Variants in CFAP47 observed in about 807,000 individuals in gnomAD.
The protein encoded by CFAP47 is cilia and flagella associated protein 47, also known as cilia- and flagella-associated protein 47.
Under a neutral mutation model 148.1 loss-of-function variants are expected in CFAP47, and 29 were observed. The ratio of observed to expected loss-of-function variants is 0.20; its 90% CI spans 0.15 to 0.27. CFAP47 has a LOEUF of 0.27. Ranked by LOEUF, CFAP47 falls within the 10% of genes least tolerant of loss-of-function variation. The pLI is 1.00. For synonymous variants in CFAP47, 664 were observed against 577.3 expected, an observed-to-expected ratio of 1.15 and a Z score of -2.15; for missense variants, 1,872 against 1,697.5, an observed-to-expected ratio of 1.10 and a Z score of -1.81.
intron 26 of CFAP47, among the ~76,000 whole-genome samples, chrX:36,061,038 G>A (rs1390888927): frequency 9.0e-6 from 1 of 111,568 alleles, no homozygotes; most frequent in African/African-American, 3.3e-5. Flanking sequence ...CCCAATATTG[G>A]AGGAGGGGCC....
At chrX:36,301,015 C>A in intron 52 of CFAP47, 57 bp from the exon 53 acceptor site, 1 of 699,432 alleles carries the variant, frequency 1.4e-6, no homozygotes, top group Non-Finnish European at 2.2e-6. Context: ...TACTTCTGCC[C>A]AATTTATTAC....
Position 36,172,082 on chromosome X carries a change from T to C in CFAP47, c.6027-7263T>C, listed in dbSNP as rs756230943. ...GCAATTGTGAATGGGAGTTCACTCATGATTTGGCTCTCTGTTTGTCTGTCG... is the reference window on the plus strand; with the variant it reads ...GCAATTGTGAATGGGAGTTCACTCACGATTTGGCTCTCTGTTTGTCTGTCG... On this transcript the variant is annotated intron_variant, in intron 39 of 63. Coordinates refer to ENST00000378653, the MANE Select transcript of CFAP47 (RefSeq NM_001304548.2). 9.2e-4 allele frequency among the ~76,000 whole-genome samples: 100 copies of C among 109,048 alleles called. 1 individual carries two copies. The highest frequency in any genetic ancestry group is 3.2e-3 in the African/African-American group (96 of 30,058). The allele number at this position is 109,048 out of a possible 115,157, so 94.7% of individuals were successfully genotyped here. A position where few individuals can be genotyped will look rare whatever the true frequency, so the allele number is the denominator to read the frequency against.
intron 1 of CFAP47, among the ~76,000 whole-genome samples, chrX:35,921,137 G>C (rs1177059714): frequency 9.0e-6 from 1 of 111,471 alleles, no homozygotes; most frequent in Non-Finnish European, 1.9e-5. Context: ...TCAAATAATA[G>C]AATATGTTCA....
At chrX:35,928,107 T>C (rs1264454534) in intron 2 of CFAP47, among the ~76,000 whole-genome samples, 1 of 109,533 alleles carries the variant, frequency 9.1e-6, no homozygotes, top group Non-Finnish European at 1.9e-5. Context: ...TAAGCTGCTT[T>C]AATATTCCTG....
At chrX:36,292,087 G>C (rs1941199107) in intron 51 of CFAP47, among the ~76,000 whole-genome samples, 1 of 110,984 alleles carries the variant, frequency 9.0e-6, no homozygotes, top group African/African-American at 3.3e-5. Context: ...CAACTCCCAG[G>C]TGCCTATTAA....
At chrX:35,945,644 C>T (rs1466503915) in intron 3 of CFAP47, among the ~76,000 whole-genome samples, 2 of 111,235 alleles carry the variant, frequency 1.8e-5, no homozygotes, top group Non-Finnish European at 3.8e-5. Context: ...CTGTTCACTT[C>T]ATAATTAAGC....
chrX:35,940,807 A>G (rs5973549), intron 2 of CFAP47, among the ~76,000 whole-genome samples: 31,737 of 110,521 alleles, frequency 0.29, 5,238 homozygotes, highest in African/African-American at 0.63. Context: ...GTAACCTTAT[A>G]TGGTTTGTAT....
At chrX:36,094,121 A>T (rs1938233325) in intron 30 of CFAP47, among the ~76,000 whole-genome samples, 1 of 111,268 alleles carries the variant, frequency 9.0e-6, no homozygotes. Context: ...CCATTTGTTG[A>T]CAATACTGTC....
chrX:36,000,863 T>C (rs1159180750), intron 20 of CFAP47, among the ~76,000 whole-genome samples: 2 of 111,687 alleles, frequency 1.8e-5, no homozygotes, highest in Non-Finnish European at 3.8e-5. Flanking sequence ...GTTTACTCCA[T>C]AGGTTGTCAA....
intron 2 of CFAP47, among the ~76,000 whole-genome samples, chrX:35,930,513 C>T (rs745978819): frequency 9.0e-6 from 1 of 111,010 alleles, no homozygotes; most frequent in Non-Finnish European, 1.9e-5. Context: ...TCTAGAAGAG[C>T]TTATTTAATA....
chrX:36,359,134 A>G (rs1243603241), intron 60 of CFAP47, among the ~76,000 whole-genome samples: 1 of 112,379 alleles, frequency 8.9e-6, no homozygotes, highest in Non-Finnish European at 1.9e-5. Context: ...AATAACGATA[A>G]GAAAAACATT....
In CFAP47 at chrX:36,310,940, T is replaced by C. The variant is rs1490194329; in HGVS notation, c.8295T>C (p.Pro2765=). ...GTCTTCAGTCAACTATTGTTATACC[T>C]TTCAAAAATCCCACAATGGAAGATG... ...RIGLQSTIVI[P]FKNPTMEDVL... Residue 2765 remains proline (P), a synonymous_variant, in exon 56 of 64, where the codon CCT becomes CCC. Transcript: ENST00000378653. 4 of 1,141,897 alleles carry C rather than the reference T, an allele frequency of 3.5e-6. No homozygotes were observed. In the African/African-American group the frequency reaches 5.4e-5, roughly 16 times the overall value. 94.1% of individuals were successfully genotyped at this position (1,141,897 alleles called of 1,213,427 possible).
At chrX:36,212,277 A>G (rs1399622244) in intron 45 of CFAP47, among the ~76,000 whole-genome samples, 1 of 112,226 alleles carries the variant, frequency 8.9e-6, no homozygotes, top group Non-Finnish European at 1.9e-5. Flanking sequence ...TCCTCATGCC[A>G]GTCCCAAACT....
intron 22 of CFAP47, chrX:36,022,120 C>G (rs138770831): frequency 9.0e-6 from 1 of 111,382 alleles, no homozygotes; most frequent in South Asian, 3.8e-4. Flanking sequence ...ACACCATTTG[C>G]TTTCTGATTG....
At chrX:36,041,655 T>A (rs1188522707) in intron 25 of CFAP47, among the ~76,000 whole-genome samples, 1 of 111,341 alleles carries the variant, frequency 9.0e-6, no homozygotes, top group Non-Finnish European at 1.9e-5. Context: ...TACATATAAT[T>A]ATCCTTAAAG....
chrX:35,947,317 T>G (rs1336708590), intron 3 of CFAP47, among the ~76,000 whole-genome samples: 3 of 109,427 alleles, frequency 2.7e-5, no homozygotes, highest in African/African-American at 1.0e-4. Context: ...CTGAAGCAGC[T>G]GGGCCTGTTC....
intron 49 of CFAP47, among the ~76,000 whole-genome samples, chrX:36,255,094 T>A (rs1008652721): frequency 3.6e-5 from 4 of 112,047 alleles, no homozygotes; most frequent in African/African-American, 1.3e-4. Flanking sequence ...GGAGGTTTGT[T>A]TTAAATGCCT....
intron 54 of CFAP47, 91 bp from the exon 55 acceptor site, chrX:36,306,681 C>T (rs1214136927): frequency 2.0e-5 from 9 of 444,614 alleles, no homozygotes; most frequent in African/African-American, 1.2e-4. Context: ...ACACAAACAT[C>T]GACCCTGCAT....
intron 49 of CFAP47, among the ~76,000 whole-genome samples, chrX:36,263,655 C>A (rs1468788273): frequency 9.0e-6 from 1 of 111,640 alleles, no homozygotes. Context: ...GTGAATGCTG[C>A]CTGACCTGGG....
Sources: allele counts gnomAD v4.1 joint callset (sites outside exome capture counted in the v4.1 genomes callset), GRCh38; gene constraint gnomAD v4.1.1; transcripts MANE v1.5; gene names NCBI Gene and HGNC (gene_info 2026-07-23, HGNC 2026-07-21).